Variants in ASB18 observed in about 807,000 individuals in gnomAD.
The protein encoded by ASB18 is ankyrin repeat and SOCS box protein 18.
ASB18 carries 33 observed loss-of-function variants against 33.4 expected under a neutral mutation model. The ratio of observed to expected loss-of-function variants is 0.99; its 90% confidence interval spans 0.75 to 1.32. The LOEUF (loss-of-function observed/expected upper bound fraction) is 1.32. Among genes scored for constraint, ASB18 ranks in the 40% most tolerant of loss-of-function variants. The pLI is 0.00. For synonymous variants in ASB18, 295 were observed against 307.6 expected, an observed-to-expected ratio of 0.96 and a Z score of 0.43; for missense variants, 694 against 655.5, an observed-to-expected ratio of 1.06 and a Z score of -0.64.
rs542556980 is a variant in ASB18, at chr2:236,209,669, G to A, written c.1101+4693C>T. ...GTGGTTTCCATCAGCCCCCTACCTG[G>A]TGTGTTCTCTACGTCGAGCTTAGAA... is the stretch of plus-strand genomic sequence containing the variant. On this transcript the variant is annotated intron_variant, in intron 4 of 5. Transcript: ENST00000409749. The surrounding 1 kb of genome is among the most constrained non-coding windows in gnomAD (Gnocchi z 4.4). Among the ~76,000 whole-genome samples, 130 of 152,324 alleles carry A rather than the reference G, an allele frequency of 8.5e-4. No homozygotes were observed. The highest frequency in any genetic ancestry group is 3.1e-3 in the African/African-American group (127 of 41,572).
intron 4 of ASB18, among the ~76,000 whole-genome samples, chr2:236,198,038 C>T (rs1013761498): frequency 2.0e-5 from 3 of 152,242 alleles, no homozygotes; most frequent in Admixed American, 1.3e-4. Flanking sequence ...GCCTGCCCTG[C>T]GTCATGTCTA....
rs201734029 is a variant in ASB18 at position 236,243,836 on chromosome 2, CT to C, written c.206-2435del. On this transcript the variant is annotated intron_variant, in intron 1 of 5. Coordinates refer to ENST00000409749, the MANE Select transcript of ASB18 (RefSeq NM_212556.4). ...AACATAAATAATATGCAATTCCTTC[CT>C]TTTTTTTGAGATAGAGTCTTGCTCT... 7.5e-3 allele frequency among the ~76,000 whole-genome samples: 1,131 copies of C among 151,704 alleles called. 19 individuals carry two copies. Among genetic ancestry groups the C allele is most frequent in the African/African-American group, 0.026 (1,076 of 41,400 alleles).
Position 236,260,027 on chromosome 2 carries a change from G to A in ASB18, c.205+4114C>T, listed in dbSNP as rs181215411. Among the ~76,000 whole-genome samples the A allele has an allele frequency of 2.6e-5, 4 of 152,264 alleles. No individual in the cohort carries two copies. Among genetic ancestry groups the A allele is most frequent in the African/African-American group, 7.2e-5 (3 of 41,562 alleles). ...ATCAAAATAAATTCTGTTTCTTTCT[G>A]TTCTATTTGGTGGGAGTAGTAAGTT... On this transcript the variant is annotated intron_variant, in intron 1 of 5. Transcript: ENST00000409749. This position sits in a 1 kb window ranked among gnomAD's most constrained non-coding sequence, Gnocchi z 5.1.
At chr2:236,246,496 G>A (rs2060645309) in intron 1 of ASB18, among the ~76,000 whole-genome samples, 1 of 151,606 alleles carries the variant, frequency 6.6e-6, no homozygotes, top group East Asian at 1.9e-4. Context: ...GTCATCAATT[G>A]GAACAGCAGA....
Position 236,237,673 on chromosome 2 carries a change from G to T in ASB18, c.596+16C>A. The stretch of plus-strand genomic sequence containing the variant: ...GGGGCGGGGCGGACGCCGCGGGCCT[G>T]TCCCGAGGTCCTTACCCGAGCGAGG... On this transcript the variant is annotated intron_variant, in intron 3 of 5. Transcript: ENST00000409749. This position sits in a 1 kb window ranked among gnomAD's most constrained non-coding sequence, Gnocchi z 6.2. The T allele has an allele frequency of 7.0e-7, 1 of 1,420,504 alleles. No individual in the cohort carries two copies. Among genetic ancestry groups the T allele is most frequent in the Non-Finnish European group, 9.1e-7 (1 of 1,094,196 alleles). The allele number at this position is 1,420,504 out of a possible 1,614,324, so 88.0% of individuals were successfully genotyped here. A position where few individuals can be genotyped will look rare whatever the true frequency, so the allele number is the denominator to read the frequency against.
chr2:236,230,011 C>T (rs2060557324), intron 3 of ASB18, among the ~76,000 whole-genome samples: 1 of 151,936 alleles, frequency 6.6e-6, no homozygotes, highest in Admixed American at 6.6e-5. Context: ...CAAAACAAGA[C>T]CTCAACTCTA....
rs969634759 is a variant in ASB18 at position 236,193,476 on chromosome 2, T to C, written c.*1396A>G. On this transcript the variant is annotated 3_prime_UTR_variant, in exon 6 of 6. Coordinates refer to ENST00000409749, the MANE Select transcript of ASB18 (RefSeq NM_212556.4). This position sits in a 1 kb window ranked among gnomAD's most constrained non-coding sequence, Gnocchi z 5.0. The stretch of plus-strand genomic sequence containing the variant: ...TCCTTAAATAATGTTTTGTTTAATG[T>C]CATTTTATTATAACACCGATAAGAA... Among the ~76,000 whole-genome samples, 8 of 152,216 alleles carry C rather than the reference T, an allele frequency of 5.3e-5. No homozygotes were observed. Among genetic ancestry groups the C allele is most frequent in the Non-Finnish European group, 1.0e-4 (7 of 68,040 alleles).
Position 236,228,348 on chromosome 2 carries a change from A to AACTC in ASB18, c.596+9340_596+9341insGAGT, listed in dbSNP as rs2060550444. Among the ~76,000 whole-genome samples the AACTC allele has an allele frequency of 9.7e-6, 1 of 103,024 alleles. No homozygotes were observed. Among genetic ancestry groups the AACTC allele is most frequent in the Non-Finnish European group, 1.7e-5 (1 of 58,494 alleles). The allele number at this position is 103,024 out of a possible 152,430, so 67.6% of individuals were successfully genotyped here. A position where few individuals can be genotyped will look rare whatever the true frequency, so the allele number is the denominator to read the frequency against. On this transcript the variant is annotated intron_variant, in intron 3 of 5. Transcript: ENST00000409749. The surrounding 1 kb of genome is among the most constrained non-coding windows in gnomAD (Gnocchi z 5.1). ...AAGGGGACCCCAGCAGAGCCTGGTG[A>AACTC]GCTGAGTGGAGGAGACGGCACTGGA...
At position 236,236,619 on chromosome 2, in the gene ASB18, C is replaced by T. The variant is rs548743902; in HGVS notation, c.596+1070G>A. On this transcript the variant is annotated intron_variant, in intron 3 of 5. Transcript: ENST00000409749. ...AAGACTGGCGGGGGTCCACGTGGCC[C>T]CCTGATCCCCCCTCTGAACTCAAAT... 4.9e-5 allele frequency among the ~76,000 whole-genome samples: 7 copies of T among 143,802 alleles called. No homozygotes were observed. In the East Asian group the frequency reaches 1.5e-3, roughly 30 times the overall value. The allele number at this position is 143,802 out of a possible 152,430, so 94.3% of individuals were successfully genotyped here.
Position 236,251,164 on chromosome 2 carries a change from T to C in ASB18, c.206-9762A>G, listed in dbSNP as rs1192455962. Among the ~76,000 whole-genome samples the C allele has an allele frequency of 6.6e-6, 1 of 152,204 alleles. No homozygotes were observed. The highest frequency in any genetic ancestry group is 1.9e-4 in the East Asian group (1 of 5,194). On this transcript the variant is annotated intron_variant, in intron 1 of 5. Coordinates refer to ENST00000409749, the MANE Select transcript of ASB18 (RefSeq NM_212556.4). The surrounding 1 kb of genome is among the most constrained non-coding windows in gnomAD (Gnocchi z 5.3). ...CTTATCCAAAGGTCAAGTGCCGCTT[T>C]CATTGGCAGCCCAGGAGGGCTTTTT... is the stretch of plus-strand genomic sequence containing the variant.
At chr2:236,247,125 C>CTTTTT (rs3033949) in intron 1 of ASB18, among the ~76,000 whole-genome samples, 1 of 133,748 alleles carries the variant, frequency 7.5e-6, no homozygotes. Flanking sequence ...GAAACAGACT[C>CTTTTT]TTTTTTTTTT....
chr2:236,263,587 G>A lies in ASB18; in HGVS notation c.205+554C>T, dbSNP rs997720367. 6.6e-6 allele frequency among the ~76,000 whole-genome samples: 1 copy of A among 152,046 alleles called. No homozygotes were observed. Among genetic ancestry groups the A allele is most frequent in the African/African-American group, 2.4e-5 (1 of 41,386 alleles). On this transcript the variant is annotated intron_variant, in intron 1 of 5. Coordinates refer to ENST00000409749, the MANE Select transcript of ASB18 (RefSeq NM_212556.4). This position sits in a 1 kb window ranked among gnomAD's most constrained non-coding sequence, Gnocchi z 4.0. ...GTTATGTTCTTGTTCCAGTTATATG[G>A]CTCCTAGGAATTTATGGTAAGGATA...
chr2:236,262,834 C>G lies in ASB18; in HGVS notation c.205+1307G>C, dbSNP rs1485092923. Among the ~76,000 whole-genome samples the G allele has an allele frequency of 6.6e-6, 1 of 151,992 alleles. No homozygotes were observed. The highest frequency in any genetic ancestry group is 2.0e-4 in the East Asian group (1 of 5,128). On this transcript the variant is annotated intron_variant, in intron 1 of 5. Coordinates refer to ENST00000409749, the MANE Select transcript of ASB18 (RefSeq NM_212556.4). The surrounding 1 kb of genome is among the most constrained non-coding windows in gnomAD (Gnocchi z 5.2). The stretch of plus-strand genomic sequence containing the variant: ...AAGAGAAGGTTCCTCCCTAAAGCGA[C>G]TTGCTTAAGTCCCCACTGAAAGGCA...
At chr2:236,224,715 C>T (rs1432678852) in intron 3 of ASB18, among the ~76,000 whole-genome samples, 1 of 152,220 alleles carries the variant, frequency 6.6e-6, no homozygotes, top group Non-Finnish European at 1.5e-5. Flanking sequence ...TGTACCATGC[C>T]TTGCAGGCCT....
chr2:236,204,733 T>C lies in ASB18; in HGVS notation c.1102-8348A>G, dbSNP rs12469569. ...CCAAGTGATAGCAAACTCATTCTTG[T>C]AGTCTCTTGGGCTGGAATCAGAGTC... On this transcript the variant is annotated intron_variant, in intron 4 of 5. Coordinates refer to ENST00000409749, the MANE Select transcript of ASB18 (RefSeq NM_212556.4). This position sits in a 1 kb window ranked among gnomAD's most constrained non-coding sequence, Gnocchi z 5.1. Among the ~76,000 whole-genome samples the C allele has an allele frequency of 0.18, 23,026 of 127,960 alleles. 2,005 individuals carry two copies. Among genetic ancestry groups the C allele is most frequent in the South Asian group, 0.26 (984 of 3,754 alleles). 83.9% of individuals were successfully genotyped at this position (127,960 alleles called of 152,430 possible).
intron 3 of ASB18, among the ~76,000 whole-genome samples, chr2:236,218,766 C>T (rs1400458514): frequency 2.2e-5 from 3 of 136,052 alleles, no homozygotes; most frequent in Non-Finnish European, 3.0e-5. Flanking sequence ...CCACTGCACT[C>T]TAGCCTGAGT....
chr2:236,196,419 C>T lies in ASB18; in HGVS notation c.1102-34G>A, dbSNP rs142814060. The T allele has an allele frequency of 2.4e-3, 2,927 of 1,234,860 alleles. 10 individuals are homozygous for T. Among genetic ancestry groups the T allele is most frequent in the Non-Finnish European group, 2.9e-3 (2,475 of 860,876 alleles). The allele number at this position is 1,234,860 out of a possible 1,614,324, so 76.5% of individuals were successfully genotyped here. A position where few individuals can be genotyped will look rare whatever the true frequency, so the allele number is the denominator to read the frequency against. ...AAGAGGTGAAAGACGCAGCGTAGGCCGACTGGGTTCTGGGTCTCAGTGGGG... is the reference window on the plus strand; with the variant it reads ...AAGAGGTGAAAGACGCAGCGTAGGCTGACTGGGTTCTGGGTCTCAGTGGGG... On this transcript the variant is annotated intron_variant, in intron 4 of 5. Transcript: ENST00000409749. The surrounding 1 kb of genome is among the most constrained non-coding windows in gnomAD (Gnocchi z 5.6).
At position 236,213,970 on chromosome 2, in the gene ASB18, AT is replaced by A. The variant is rs2060470399; in HGVS notation, c.1101+391del. 1.0e-5 allele frequency: 2 copies of A among 194,508 alleles called. No individual in the cohort carries two copies. The highest frequency in any genetic ancestry group is 4.7e-5 in the African/African-American group (2 of 42,652). The allele number at this position is 194,508 out of a possible 1,614,324, so 12.0% of individuals were successfully genotyped here. Reference sequence around the variant, plus strand: ...AAGACTGATTTTCATCGTTCTGAAAATGACACTGATGATGAGCTGCCAAAAT... The same window carrying A: ...AAGACTGATTTTCATCGTTCTGAAAAGACACTGATGATGAGCTGCCAAAAT... On this transcript the variant is annotated intron_variant, in intron 4 of 5. Transcript: ENST00000409749. The surrounding 1 kb of genome is among the most constrained non-coding windows in gnomAD (Gnocchi z 4.8).
Position 236,240,384 on chromosome 2 carries a change from G to A in ASB18, c.328+896C>T, listed in dbSNP as rs1285771807. ...ACAGAACTGTGTCAGTTCTTTGGAA[G>A]CCAACCTTCCGCATTCTTTGCCTGC... On this transcript the variant is annotated intron_variant, in intron 2 of 5. Coordinates refer to ENST00000409749, the MANE Select transcript of ASB18 (RefSeq NM_212556.4). 2.0e-5 allele frequency among the ~76,000 whole-genome samples: 3 copies of A among 152,236 alleles called. No individual in the cohort carries two copies. The South Asian group carries it at 6.2e-4, about 31-fold the overall frequency.
Sources: gnomAD v4.1 joint callset for allele counts (sites outside exome capture counted in the v4.1 genomes callset) on GRCh38, gnomAD v4.1.1 for gene constraint, Gnocchi (gnomAD v3.1) non-coding constraint, MANE v1.5 for transcripts, NCBI Gene and HGNC (gene_info 2026-07-23, HGNC 2026-07-21) for gene names.